The following CNTNAP2 variants were observed in gnomAD, a reference collection of about 807,000 sequenced individuals.
CNTNAP2 encodes the protein contactin associated protein 2, also known as contactin-associated protein-like 2.
In CNTNAP2, 98 loss-of-function variants were observed where a neutral mutation model predicts 155.2. The observed-to-expected ratio is 0.63, with a 90% CI of 0.54 to 0.75. The LOEUF is 0.75. CNTNAP2 is among the 30% of genes least tolerant of loss of function. The pLI, the probability that CNTNAP2 is intolerant of heterozygous loss-of-function variation, is 0.00. For missense variants in CNTNAP2, 1,727 were observed against 1,688.1 expected, an observed-to-expected ratio of 1.02 and a Z score of -0.40; for synonymous variants, 651 against 631.2, an observed-to-expected ratio of 1.03 and a Z score of -0.47.
rs555616970 is a variant in CNTNAP2, at chr7:147,412,810, G to GA, written c.1670+17035dup. On this transcript the variant is annotated intron_variant, in intron 10 of 23. Coordinates refer to ENST00000361727, the MANE Select transcript of CNTNAP2 (RefSeq NM_014141.6). ...GATAATATAGGGCAAGGCTGTCTTGGAAAAATGGACTATATAAACTAAGGC... is the reference window on the plus strand; with the variant it reads ...GATAATATAGGGCAAGGCTGTCTTGGAAAAAATGGACTATATAAACTAAGGC... Among the ~76,000 whole-genome samples the GA allele has an allele frequency of 1.8e-3, 275 of 152,282 alleles. 2 individuals are homozygous for GA. The highest frequency in any genetic ancestry group is 6.2e-3 in the African/African-American group (257 of 41,548).
intron 3 of CNTNAP2, among the ~76,000 whole-genome samples, chr7:146,985,035 TATCCTAGGCAAAA>T (rs1798090830): frequency 1.3e-5 from 2 of 152,316 alleles, no homozygotes; most frequent in Admixed American, 1.3e-4. Flanking sequence ...AAAAACACAC[TATCCTAGGCAAAA>T]GTTTTCACAC....
At chr7:147,096,594 G>A (rs1388024318) in intron 4 of CNTNAP2, among the ~76,000 whole-genome samples, 1 of 152,190 alleles carries the variant, frequency 6.6e-6, no homozygotes, top group East Asian at 1.9e-4. Context: ...TAACCAGCCA[G>A]CATCACACAT....
intron 1 of CNTNAP2, among the ~76,000 whole-genome samples, chr7:146,259,695 C>T (rs1054688716): frequency 4.6e-5 from 7 of 152,138 alleles, no homozygotes; most frequent in Non-Finnish European, 2.9e-5. Flanking sequence ...AGCATTCAGT[C>T]ATATGCATTC....
At chr7:146,355,118 G>A (rs149565077) in intron 1 of CNTNAP2, among the ~76,000 whole-genome samples, 1 of 152,224 alleles carries the variant, frequency 6.6e-6, no homozygotes, top group East Asian at 1.9e-4. Flanking sequence ...GTCCTCTTTT[G>A]TTCCAATTGC....
chr7:147,559,172 G>T (rs769546198), intron 11 of CNTNAP2, among the ~76,000 whole-genome samples: 2 of 152,194 alleles, frequency 1.3e-5, no homozygotes, highest in African/African-American at 4.8e-5. Context: ...CACCGTGCCC[G>T]GCCTAATTGT....
intron 1 of CNTNAP2, among the ~76,000 whole-genome samples, chr7:146,214,054 T>C (rs1404179173): frequency 6.6e-6 from 1 of 152,186 alleles, no homozygotes; most frequent in Non-Finnish European, 1.5e-5. Flanking sequence ...AGATTACACC[T>C]CAAGGCTACA....
chr7:146,235,165 G>T (rs1799451122), intron 1 of CNTNAP2, among the ~76,000 whole-genome samples: 1 of 129,394 alleles, frequency 7.7e-6, no homozygotes, highest in Admixed American at 8.8e-5. Context: ...AGCTATAAAA[G>T]GGGCAGGAAG....
chr7:148,347,524 A>G (rs1490160702), intron 21 of CNTNAP2, among the ~76,000 whole-genome samples: 1 of 152,186 alleles, frequency 6.6e-6, no homozygotes, highest in Admixed American at 6.5e-5. Flanking sequence ...TTTTTTACTC[A>G]TGTGACCAGT....
intron 1 of CNTNAP2, among the ~76,000 whole-genome samples, chr7:146,738,443 T>C (rs137982342): frequency 1.2e-3 from 189 of 152,186 alleles, no homozygotes; most frequent in African/African-American, 4.1e-3. Flanking sequence ...TTGCAAATAG[T>C]GTCTTCCATT....
chr7:146,563,158 A>C (rs1022726048), intron 1 of CNTNAP2, among the ~76,000 whole-genome samples: 1 of 152,232 alleles, frequency 6.6e-6, no homozygotes. Flanking sequence ...TACCCTGGGC[A>C]ACACAGACCC....
At chr7:147,971,005 TAAGA>T (rs959674193) in intron 14 of CNTNAP2, among the ~76,000 whole-genome samples, 29 of 152,178 alleles carry the variant, frequency 1.9e-4, no homozygotes, top group African/African-American at 6.8e-4. Context: ...CATGGGTATC[TAAGA>T]AAGGTGTGTT....
At chr7:148,387,606 C>G (rs1182244880) in intron 22 of CNTNAP2, among the ~76,000 whole-genome samples, 1 of 152,128 alleles carries the variant, frequency 6.6e-6, no homozygotes, top group Non-Finnish European at 1.5e-5. Flanking sequence ...AGGCCCCTCC[C>G]CATACTGACT....
At chr7:146,776,354 T>C (rs913390399) in intron 2 of CNTNAP2, among the ~76,000 whole-genome samples, 6 of 152,114 alleles carry the variant, frequency 3.9e-5, no homozygotes, top group African/African-American at 1.4e-4. Flanking sequence ...GCTCAGTAAA[T>C]TTGGGCAAGT....
chr7:146,664,272 G>T (rs1308157533), intron 1 of CNTNAP2, among the ~76,000 whole-genome samples: 1 of 146,476 alleles, frequency 6.8e-6, no homozygotes, highest in South Asian at 2.2e-4. Context: ...AGTGATTCTC[G>T]TGCCTCATCT....
At chr7:146,747,201 T>G (rs1317457901) in intron 1 of CNTNAP2, among the ~76,000 whole-genome samples, 1 of 152,170 alleles carries the variant, frequency 6.6e-6, no homozygotes. Context: ...TCCTAATATC[T>G]AATAAATTTT....
At chr7:147,025,519 G>A (rs1382073536) in intron 3 of CNTNAP2, among the ~76,000 whole-genome samples, 4 of 108,364 alleles carry the variant, frequency 3.7e-5, no homozygotes, top group Admixed American at 1.9e-4. Flanking sequence ...GGAGAAGAAA[G>A]TGGGGAGGGG....
At chr7:147,719,883 C>T (rs891925614) in intron 13 of CNTNAP2, among the ~76,000 whole-genome samples, 7 of 152,108 alleles carry the variant, frequency 4.6e-5, no homozygotes, top group South Asian at 2.1e-4. Flanking sequence ...TTTCCATGTC[C>T]TTTACCACTA....
At chr7:147,718,339 A>G (rs1796512851) in intron 13 of CNTNAP2, among the ~76,000 whole-genome samples, 1 of 152,136 alleles carries the variant, frequency 6.6e-6, no homozygotes, top group African/African-American at 2.4e-5. Context: ...AGCTATTTTT[A>G]TACATGGAAA....
Position 148,118,144 on chromosome 7 carries a change from C to T in CNTNAP2, c.2410C>T (p.Pro804Ser), listed in dbSNP as rs2116608255. 1 of 1,614,086 alleles carries T rather than the reference C, an allele frequency of 6.2e-7. No homozygotes were observed. Among genetic ancestry groups the T allele is most frequent in the Non-Finnish European group, 8.5e-7 (1 of 1,180,028 alleles). The change falls in exon 16 of 24, where the codon CCA becomes TCA. Residue 804 changes from proline (P) to serine (S), a missense_variant. Pro to Ser is a moderately conservative substitution (Grantham distance 74, BLOSUM62 -1). Coordinates refer to ENST00000361727, the MANE Select transcript of CNTNAP2 (RefSeq NM_014141.6). The stretch of plus-strand genomic sequence containing the variant: ...GAATTATTGGAATGCCGCCTCTTTC[C>T]CAAACCCATCCTCCTACCTGCACTT... ...DRNYWNAASF[P>S]NPSSYLHFST...
Sources: allele counts gnomAD v4.1 joint callset (sites outside exome capture counted in the v4.1 genomes callset), GRCh38; gene constraint gnomAD v4.1.1; transcripts MANE v1.5; gene names NCBI Gene and HGNC (gene_info 2026-07-23, HGNC 2026-07-21).